Variants in BICC1 observed in about 807,000 individuals in gnomAD.
BICC1 encodes the protein protein bicaudal C homolog 1.
BICC1 carries 43 observed loss-of-function variants against 111.0 expected under a neutral mutation model. The observed-to-expected ratio is 0.39, with a 90% CI of 0.30 to 0.50. The LOEUF (loss-of-function observed/expected upper bound fraction) is 0.50. BICC1 is among the 20% of genes least tolerant of loss of function. The pLI is 0.88. For synonymous variants in BICC1, 467 were observed against 434.4 expected (o/e 1.07, Z -0.93); for missense variants, 1,091 against 1,203.2 (o/e 0.91, Z 1.38).
intron 3 of BICC1, among the ~76,000 whole-genome samples, chr10:58,730,652 A>G (rs1340097149): frequency 5.3e-5 from 8 of 151,976 alleles, no homozygotes; most frequent in Non-Finnish European, 1.2e-4. Context: ...TCTAAAATCT[A>G]GGCAGAGGCT....
intron 3 of BICC1, among the ~76,000 whole-genome samples, chr10:58,776,546 C>A (rs1208156282): frequency 6.6e-6 from 1 of 152,150 alleles, no homozygotes; most frequent in Non-Finnish European, 1.5e-5. Context: ...TCAAAAGGAC[C>A]ATTGAGTATT....
chr10:58,828,755 C>T lies in BICC1; in HGVS notation c.2795-6C>T, dbSNP rs577366094. 1 of 1,612,962 alleles carries T rather than the reference C, an allele frequency of 6.2e-7. No homozygotes were observed. The highest frequency in any genetic ancestry group is 1.3e-5 in the African/African-American group (1 of 75,022). On this transcript the variant is annotated splice_polypyrimidine_tract_variant and splice_region_variant and intron_variant, in intron 20 of 20. Coordinates refer to ENST00000373886, the MANE Select transcript of BICC1 (RefSeq NM_001080512.3). ...GCTCCTAACAATTCTCTCTTTCTCT[C>T]TCTAGAACTAAATAAAAACCGAAGA...
intron 12 of BICC1, among the ~76,000 whole-genome samples, chr10:58,799,547 T>G (rs1303293771): frequency 6.6e-6 from 1 of 152,142 alleles, no homozygotes; most frequent in Non-Finnish European, 1.5e-5. Flanking sequence ...GGGGTCTGGT[T>G]TCATTCTTCT....
rs1564572693 is a variant in BICC1 at position 58,718,769 on chromosome 10, C to CGT, written c.307+16627_307+16628insTG. The stretch of plus-strand genomic sequence containing the variant: ...GTGTGTGTGTGTGTGTGTGTGTGCG[C>CGT]GCGCGCGTGCGCGCGTGCGCACGCC... On this transcript the variant is annotated intron_variant, in intron 3 of 20. Transcript: ENST00000373886. 1.2e-4 allele frequency among the ~76,000 whole-genome samples: 18 copies of CGT among 148,766 alleles called. No individual in the cohort carries two copies. In the South Asian group the frequency reaches 1.3e-3, roughly 11 times the overall value.
chr10:58,562,556 T>C (rs1843636655), intron 1 of BICC1, among the ~76,000 whole-genome samples: 1 of 152,150 alleles, frequency 6.6e-6, no homozygotes, highest in Non-Finnish European at 1.5e-5. Flanking sequence ...TATTCTCTTG[T>C]ATCTTGCTGA....
At chr10:58,798,637 C>T in intron 11 of BICC1, 77 bp downstream of exon 11, 1 of 1,342,662 alleles carries the variant, frequency 7.4e-7, no homozygotes, top group Non-Finnish European at 9.8e-7. Context: ...TTACGAAGGG[C>T]TCAGTTTTCT....
chr10:58,791,510 G>A (rs1461057304), intron 8 of BICC1, among the ~76,000 whole-genome samples: 2 of 152,266 alleles, frequency 1.3e-5, no homozygotes, highest in East Asian at 3.9e-4. Context: ...GGCCGAGGCA[G>A]GCGTATCACA....
chr10:58,567,416 A>ATG (rs796084063), intron 1 of BICC1, among the ~76,000 whole-genome samples: 7 of 151,690 alleles, frequency 4.6e-5, no homozygotes, highest in Admixed American at 2.6e-4. Context: ...ATATATATAT[A>ATG]TGTGTGTGTC....
At chr10:58,648,607 C>G (rs1454355947) in intron 2 of BICC1, 1 of 984,650 alleles carries the variant, frequency 1.0e-6, no homozygotes, top group African/African-American at 1.7e-5. Flanking sequence ...CTTTCTCTCT[C>G]TCTTTCTCTC....
intron 1 of BICC1, among the ~76,000 whole-genome samples, chr10:58,551,201 G>T (rs182721521): frequency 3.2e-4 from 49 of 152,164 alleles, no homozygotes; most frequent in Non-Finnish European, 6.0e-4. Flanking sequence ...CCTGGCATCT[G>T]GTAAGATCTC....
At chr10:58,519,162 C>T (rs1020661171) in intron 1 of BICC1, among the ~76,000 whole-genome samples, 7 of 152,132 alleles carry the variant, frequency 4.6e-5, no homozygotes, top group African/African-American at 1.7e-4. Flanking sequence ...CCATCTTCAG[C>T]CTGTGGCTTT....
chr10:58,769,422 A>ATATATATATATATATATG (rs1842561454), intron 3 of BICC1, among the ~76,000 whole-genome samples: 1 of 145,844 alleles, frequency 6.9e-6, no homozygotes, highest in African/African-American at 2.5e-5. Flanking sequence ...ATATATATAT[A>ATATATATATATATATATG]TATAATCACA....
At chr10:58,701,438 C>T (rs192695651) in intron 2 of BICC1, among the ~76,000 whole-genome samples, 1 of 152,282 alleles carries the variant, frequency 6.6e-6, no homozygotes, top group African/African-American at 2.4e-5. Context: ...TGCTTCCACT[C>T]ATTCAGGTCT....
chr10:58,636,541 A>G (rs1837958407), intron 2 of BICC1, among the ~76,000 whole-genome samples: 2 of 152,156 alleles, frequency 1.3e-5, no homozygotes, highest in African/African-American at 4.8e-5. Flanking sequence ...TGGGTGATCC[A>G]GAGCGGATGA....
At chr10:58,650,777 A>G (rs149665120) in intron 2 of BICC1, 1 of 152,198 alleles carries the variant, frequency 6.6e-6, no homozygotes, top group Non-Finnish European at 1.5e-5. Flanking sequence ...CTTGGCTTAT[A>G]ATTTCTTTTC....
At chr10:58,708,753 A>G (rs1589046916) in intron 3 of BICC1, among the ~76,000 whole-genome samples, 1 of 152,140 alleles carries the variant, frequency 6.6e-6, no homozygotes, top group Non-Finnish European at 1.5e-5. Context: ...TGACAAGGAA[A>G]GGGGAAGATG....
At chr10:58,745,110 C>G (rs1195303264) in intron 3 of BICC1, among the ~76,000 whole-genome samples, 3 of 152,148 alleles carry the variant, frequency 2.0e-5, no homozygotes, top group Non-Finnish European at 4.4e-5. Flanking sequence ...CATGATGACT[C>G]TAATCTTCTA....
chr10:58,670,538 T>C (rs778254082), intron 2 of BICC1, among the ~76,000 whole-genome samples: 6 of 152,134 alleles, frequency 3.9e-5, no homozygotes, highest in Non-Finnish European at 7.4e-5. Context: ...GGCAGGACTT[T>C]GGGTCTGATC....
At chr10:58,537,761 A>G (rs1052067753) in intron 1 of BICC1, among the ~76,000 whole-genome samples, 3 of 151,922 alleles carry the variant, frequency 2.0e-5, no homozygotes, top group Non-Finnish European at 2.9e-5. Context: ...CCTAGATCTG[A>G]TAAATGAATC....
Sources: allele counts gnomAD v4.1 joint callset (sites outside exome capture counted in the v4.1 genomes callset), GRCh38; gene constraint gnomAD v4.1.1; transcripts MANE v1.5; gene names NCBI Gene and HGNC (gene_info 2026-07-23, HGNC 2026-07-21).